Variants in RAE1 observed in about 807,000 individuals in gnomAD.
RAE1 encodes mRNA export factor RAE1.
RAE1 carries 13 observed loss-of-function variants against 52.7 expected under a neutral mutation model. The ratio of observed to expected loss-of-function variants is 0.25; its 90% CI spans 0.16 to 0.39. The LOEUF is 0.39. Among genes scored for constraint, RAE1 ranks in the 10% least tolerant of loss-of-function variants. The probability of loss-of-function intolerance (pLI) is 1.00; values close to 1 mark genes in which losing one functional copy is unlikely to be tolerated. For missense variants in RAE1, 262 were observed against 459.8 expected (o/e 0.57, Z 3.93); for synonymous variants, 164 against 153.1 (o/e 1.07, Z -0.52).
chr20:57,375,171 G>C, intron 11 of RAE1: 1 of 620,692 alleles, frequency 1.6e-6, no homozygotes, highest in South Asian at 1.9e-5. Context: ...GTTTGGGCAG[G>C]GGGAGTTAGG....
chr20:57,354,255 T>G, intron 2 of RAE1, 127 bp downstream of exon 2: 1 of 755,090 alleles, frequency 1.3e-6, no homozygotes, highest in Non-Finnish European at 2.2e-6. Flanking sequence ...GTCTAACTCA[T>G]GTTTCTGAAA....
rs146538163 is a variant in RAE1, at chr20:57,352,705, AGTGT to A, written c.-8+1293_-8+1296del. On this transcript the variant is annotated intron_variant, in intron 1 of 11. Coordinates refer to ENST00000395841, the MANE Select transcript of RAE1 (RefSeq NM_003610.4). ...ATTAAGAACCTGTAGTGCTTTAGGC[AGTGT>A]GTGTGTGTGGCTTCATTTAGTTCTC... is the stretch of plus-strand genomic sequence containing the variant. Among the ~76,000 whole-genome samples, 333 of 152,154 alleles carry A rather than the reference AGTGT, an allele frequency of 2.2e-3. 1 individual carries two copies. Among genetic ancestry groups the A allele is most frequent in the African/African-American group, 7.5e-3 (310 of 41,506 alleles).
intron 11 of RAE1, among the ~76,000 whole-genome samples, chr20:57,375,832 C>G (rs1011453503): frequency 1.3e-5 from 2 of 152,206 alleles, no homozygotes; most frequent in Admixed American, 1.3e-4. Context: ...CCTTCCTGTT[C>G]CATACAGCTC....
chr20:57,366,032 G>A (rs1302169416), intron 5 of RAE1, among the ~76,000 whole-genome samples: 1 of 152,122 alleles, frequency 6.6e-6, no homozygotes, highest in African/African-American at 2.4e-5. Flanking sequence ...TTTCAGGAAG[G>A]CACTGCATAC....
intron 2 of RAE1, 60 bp from the exon 3 acceptor site, chr20:57,354,652 A>C (rs2066758012): frequency 3.9e-6 from 5 of 1,277,908 alleles, no homozygotes; most frequent in Non-Finnish European, 4.3e-6. Flanking sequence ...TGAGAAAGAA[A>C]ACAATTTGGA....
chr20:57,374,515 T>C (rs2067082633), intron 10 of RAE1, 92 bp from the exon 11 acceptor site: 7 of 1,183,472 alleles, frequency 5.9e-6, no homozygotes, highest in Non-Finnish European at 8.4e-6. Flanking sequence ...CCTGTGCGCT[T>C]TGTTTCCTAA....
At chr20:57,364,818 T>C (rs942540956) in intron 4 of RAE1, among the ~76,000 whole-genome samples, 17 of 152,338 alleles carry the variant, frequency 1.1e-4, no homozygotes, top group Admixed American at 9.8e-4. Flanking sequence ...ATGACTGTTG[T>C]AAATTGGCAT....
intron 4 of RAE1, among the ~76,000 whole-genome samples, chr20:57,361,599 A>G (rs2066893358): frequency 6.6e-6 from 1 of 152,192 alleles, no homozygotes; most frequent in South Asian, 2.1e-4. Flanking sequence ...TCAACCATGA[A>G]TTAACACCTT....
chr20:57,374,608 T>C lies in RAE1; in HGVS notation c.827T>C (p.Val276Ala). 1 of 1,610,530 alleles carries C rather than the reference T, an allele frequency of 6.2e-7. No individual in the cohort carries two copies. Residue 276 changes from valine to alanine, a missense_variant and splice_region_variant, in exon 11 of 12, where the codon GTA becomes GCA. Physicochemically the swap from Val to Ala is moderately conservative, Grantham distance 64. Transcript: ENST00000395841. Reference protein sequence around the residue: ...NTSAPQDIYAVNGIAFHPVHG... With the variant: ...NTSAPQDIYAANGIAFHPVHG... ...CATTGTGCATGTCAATCCTTGCAGG[T>C]AAATGGAATCGCGTTCCATCCTGTT... is the stretch of plus-strand genomic sequence containing the variant.
chr20:57,366,966 G>C (rs764784482), intron 6 of RAE1, 42 bp from the exon 7 acceptor site: 1 of 1,584,040 alleles, frequency 6.3e-7, no homozygotes, highest in African/African-American at 1.3e-5. Flanking sequence ...TTCGACTTCT[G>C]CTCTGAATGG....
At chr20:57,373,430 CTTATA>C (rs1421275756) in intron 8 of RAE1, 40 bp from the exon 9 acceptor site, 11 of 1,565,802 alleles carry the variant, frequency 7.0e-6, no homozygotes, top group Middle Eastern at 1.7e-4. Context: ...GTCATGAAAT[CTTATA>C]TTATGCTGTG....
At chr20:57,361,200 A>G (rs1238998011) in intron 4 of RAE1, among the ~76,000 whole-genome samples, 2 of 152,292 alleles carry the variant, frequency 1.3e-5, no homozygotes, top group African/African-American at 4.8e-5. Context: ...GTTATTCATA[A>G]TTAGAGTATG....
chr20:57,365,770 C>T (rs1402858706), intron 5 of RAE1, among the ~76,000 whole-genome samples: 2 of 152,202 alleles, frequency 1.3e-5, no homozygotes, highest in Non-Finnish European at 2.9e-5. Flanking sequence ...TGACCTCGTG[C>T]ATGGCTGGTC....
intron 7 of RAE1, among the ~76,000 whole-genome samples, chr20:57,367,608 C>T (rs1469870367): frequency 6.6e-6 from 1 of 151,822 alleles, no homozygotes; most frequent in Non-Finnish European, 1.5e-5. Flanking sequence ...GGCATGGTGG[C>T]GCACGTCTGT....
At chr20:57,352,769 T>C (rs1439688390) in intron 1 of RAE1, among the ~76,000 whole-genome samples, 1 of 152,192 alleles carries the variant, frequency 6.6e-6, no homozygotes, top group Non-Finnish European at 1.5e-5. Context: ...TGTCTCTGTT[T>C]TACAGATGAG....
At chr20:57,370,372 A>G (rs564319701) in intron 8 of RAE1, among the ~76,000 whole-genome samples, 2 of 152,098 alleles carry the variant, frequency 1.3e-5, no homozygotes, top group Non-Finnish European at 2.9e-5. Context: ...CCAGCCTCTT[A>G]CCCGCTACCT....
Position 57,378,390 on chromosome 20 carries a change from A to G in RAE1, c.*291A>G, listed in dbSNP as rs1283675140. 1 of 347,762 alleles carries G rather than the reference A, an allele frequency of 2.9e-6. No individual in the cohort carries two copies. Among genetic ancestry groups the G allele is most frequent in the Non-Finnish European group, 5.3e-6 (1 of 190,432 alleles). The allele number at this position is 347,762 out of a possible 1,614,324, so 21.5% of individuals were successfully genotyped here. Reference sequence around the variant, plus strand: ...TTTGCAGCGCTTCAGTGTACGTGTTAGAGAATATTGGAAAAGCGTCTGTGA... The same window carrying G: ...TTTGCAGCGCTTCAGTGTACGTGTTGGAGAATATTGGAAAAGCGTCTGTGA... On this transcript the variant is annotated 3_prime_UTR_variant, in exon 12 of 12. Coordinates refer to ENST00000395841, the MANE Select transcript of RAE1 (RefSeq NM_003610.4).
At chr20:57,357,744 G>T (rs2066813638) in intron 4 of RAE1, 1 of 151,784 alleles carries the variant, frequency 6.6e-6, no homozygotes, top group Non-Finnish European at 1.5e-5. Flanking sequence ...CATATTCGAT[G>T]TTGAAGCCTG....
chr20:57,363,658 G>A (rs2066918045), intron 4 of RAE1, among the ~76,000 whole-genome samples: 1 of 152,174 alleles, frequency 6.6e-6, no homozygotes, highest in South Asian at 2.1e-4. Flanking sequence ...AATAGAGCAA[G>A]ACCGTGTCTC....
Sources: gnomAD v4.1 joint callset for allele counts (sites outside exome capture counted in the v4.1 genomes callset) on GRCh38, gnomAD v4.1.1 for gene constraint, MANE v1.5 for transcripts, NCBI Gene and HGNC (gene_info 2026-07-23, HGNC 2026-07-21) for gene names.